Variants in VPS13A observed in about 807,000 individuals in gnomAD.
VPS13A encodes vacuolar protein sorting 13 homolog A.
Under a neutral mutation model 390.9 loss-of-function variants are expected in VPS13A, and 264 were observed. The ratio of observed to expected loss-of-function variants is 0.68; its 90% CI spans 0.61 to 0.75. The LOEUF is 0.75. VPS13A is among the 30% of genes least tolerant of loss of function. VPS13A has a pLI of 0.00. For missense variants in VPS13A, 3,409 were observed against 3,733.9 expected (o/e 0.91, Z 2.27); for synonymous variants, 1,231 against 1,227.1 (o/e 1.00, Z -0.07).
In VPS13A at chr9:77,339,617, T is replaced by C; in HGVS notation, c.6480T>C (p.Tyr2160=). ...KARLHLKLLD[Y]LNHDWKSEYH... is the part of the protein sequence containing the mutation. ...GGCTACATTTAAAATTACTTGACTA[T>C]CTCAATCACGATTGGAAAAGTGAAT... Residue 2160 remains tyrosine, a synonymous_variant, in exon 48 of 72, where the codon TAT becomes TAC. Coordinates refer to ENST00000360280, the MANE Select transcript of VPS13A (RefSeq NM_033305.3). The C allele has an allele frequency of 6.2e-7, 1 of 1,613,210 alleles. No individual in the cohort carries two copies. Among genetic ancestry groups the C allele is most frequent in the South Asian group, 1.1e-5 (1 of 90,946 alleles).
intron 1 of VPS13A, among the ~76,000 whole-genome samples, chr9:77,195,326 A>G (rs541897114): frequency 6.6e-6 from 1 of 152,266 alleles, no homozygotes; most frequent in African/African-American, 2.4e-5. Flanking sequence ...GAGTTTCACC[A>G]TGTTAGCCAG....
chr9:77,299,061 A>G (rs1828180976), intron 33 of VPS13A, among the ~76,000 whole-genome samples: 1 of 152,096 alleles, frequency 6.6e-6, no homozygotes, highest in African/African-American at 2.4e-5. Context: ...CAAAGATCAG[A>G]TGGTTGTAGA....
chr9:77,289,034 G>A (rs974922705), intron 31 of VPS13A, among the ~76,000 whole-genome samples: 5 of 152,118 alleles, frequency 3.3e-5, no homozygotes, highest in East Asian at 3.9e-4. Flanking sequence ...AGGTTTCTTC[G>A]GTTAGGTTTG....
At chr9:77,206,663 C>T (rs1288111123) in intron 5 of VPS13A, among the ~76,000 whole-genome samples, 2 of 152,092 alleles carry the variant, frequency 1.3e-5, no homozygotes, top group African/African-American at 4.8e-5. Context: ...CTGCCAGCTA[C>T]TTTTTAAACT....
In VPS13A at chr9:77,177,933, G is replaced by T. The variant is rs1823741687; in HGVS notation, c.100+129G>T. Reference sequence around the variant, plus strand: ...CGGGTGCAGCCACCTGCCGCCGCCCGCCTGTGGGTCAAGTTACGTAAAGCC... The same window carrying T: ...CGGGTGCAGCCACCTGCCGCCGCCCTCCTGTGGGTCAAGTTACGTAAAGCC... On this transcript the variant is annotated intron_variant, in intron 1 of 71. Transcript: ENST00000360280. 20 of 749,764 alleles carry T rather than the reference G, an allele frequency of 2.7e-5. No individual in the cohort carries two copies. The South Asian group carries it at 3.1e-4, about 12-fold the overall frequency. The allele number at this position is 749,764 out of a possible 1,614,324, so 46.4% of individuals were successfully genotyped here. A position where few individuals can be genotyped will look rare whatever the true frequency, so the allele number is the denominator to read the frequency against.
At chr9:77,412,599 CAAAAT>C (rs904358198) in intron 71 of VPS13A, among the ~76,000 whole-genome samples, 2 of 152,092 alleles carry the variant, frequency 1.3e-5, no homozygotes, top group African/African-American at 4.8e-5. Flanking sequence ...GGATGTATCT[CAAAAT>C]AATAAGAGCT....
chr9:77,384,470 A>G (rs1833595981), intron 68 of VPS13A: 1 of 1,462,874 alleles, frequency 6.8e-7, no homozygotes, highest in Admixed American at 1.7e-5. Context: ...AGCTGAAAAA[A>G]TCTGCTTTAA....
chr9:77,393,382 GT>G (rs1833979530), intron 68 of VPS13A, among the ~76,000 whole-genome samples: 1 of 152,124 alleles, frequency 6.6e-6, no homozygotes, highest in Admixed American at 6.5e-5. Flanking sequence ...ACAAACTCCT[GT>G]TACTATTGAT....
chr9:77,412,922 T>C (rs1439555938), intron 71 of VPS13A, among the ~76,000 whole-genome samples: 4 of 152,182 alleles, frequency 2.6e-5, no homozygotes, highest in Non-Finnish European at 4.4e-5. Flanking sequence ...AAAATCAATG[T>C]GCAAAAATCA....
intron 33 of VPS13A, among the ~76,000 whole-genome samples, chr9:77,297,701 G>A (rs1027463125): frequency 6.6e-6 from 1 of 151,752 alleles, no homozygotes; most frequent in Non-Finnish European, 1.5e-5. Context: ...CAGGCATTGT[G>A]CTAAGAATAA....
chr9:77,182,268 A>T (rs1445529989), intron 1 of VPS13A, among the ~76,000 whole-genome samples: 2 of 151,942 alleles, frequency 1.3e-5, no homozygotes, highest in African/African-American at 4.8e-5. Flanking sequence ...TAATTTTTGT[A>T]TTTTTAGTAG....
At chr9:77,282,358 A>G (rs1352261193) in intron 29 of VPS13A, 84 bp downstream of exon 29, 1 of 1,255,738 alleles carries the variant, frequency 8.0e-7, no homozygotes, top group Non-Finnish European at 1.1e-6. Context: ...TTTATTATTA[A>G]CTTCAAATAT....
At chr9:77,182,587 T>G (rs1276862451) in intron 1 of VPS13A, among the ~76,000 whole-genome samples, 1 of 152,174 alleles carries the variant, frequency 6.6e-6, no homozygotes, top group Non-Finnish European at 1.5e-5. Flanking sequence ...AGGGGAAAAG[T>G]ATTAGAATTT....
At chr9:77,247,682 A>G (rs1404505280) in intron 20 of VPS13A, among the ~76,000 whole-genome samples, 2 of 152,102 alleles carry the variant, frequency 1.3e-5, no homozygotes, top group East Asian at 1.9e-4. Flanking sequence ...TTGATTTGAG[A>G]CAGAGTCTCA....
intron 23 of VPS13A, among the ~76,000 whole-genome samples, chr9:77,272,452 C>T (rs577831572): frequency 3.3e-5 from 5 of 152,282 alleles, no homozygotes; most frequent in East Asian, 1.9e-4. Context: ...CAGATACTCA[C>T]CAACAGTATA....
chr9:77,340,616 A>G, intron 50 of VPS13A, 66 bp downstream of exon 50: 1 of 1,584,216 alleles, frequency 6.3e-7, no homozygotes, highest in South Asian at 1.1e-5. Context: ...TTAGATACCT[A>G]AAGTCACCAT....
At position 77,419,694 on chromosome 9, in the gene VPS13A, A is replaced by T. The variant is rs1475269755; in HGVS notation, c.*3688A>T. 1 of 152,256 alleles carries T rather than the reference A, an allele frequency of 6.6e-6. No individual in the cohort carries two copies. The highest frequency in any genetic ancestry group is 1.5e-5 in the Non-Finnish European group (1 of 68,052). The allele number at this position is 152,256 out of a possible 1,614,324, so 9.4% of individuals were successfully genotyped here. On this transcript the variant is annotated 3_prime_UTR_variant, in exon 72 of 72. Transcript: ENST00000360280. ...TTAGATCCACACACAGCACCCAAAA[A>T]AGGCCATAGTCTTTTGTTTACCTAG...
intron 24 of VPS13A, among the ~76,000 whole-genome samples, chr9:77,274,059 A>G (rs995065417): frequency 6.6e-6 from 1 of 152,322 alleles, no homozygotes; most frequent in Non-Finnish European, 1.5e-5. Context: ...AATTTTAACT[A>G]AAATTTATTT....
intron 10 of VPS13A, among the ~76,000 whole-genome samples, chr9:77,215,003 C>G (rs1212236794): frequency 6.6e-6 from 1 of 152,078 alleles, no homozygotes; most frequent in African/African-American, 2.4e-5. Flanking sequence ...TGAGTTCAGG[C>G]AATCTGCCCG....
Sources: allele counts gnomAD v4.1 joint callset (sites outside exome capture counted in the v4.1 genomes callset), GRCh38; gene constraint gnomAD v4.1.1; transcripts MANE v1.5; gene names NCBI Gene and HGNC (gene_info 2026-07-23, HGNC 2026-07-21).